Variants in ULK4 observed in about 807,000 individuals in gnomAD.
ULK4 encodes inactive serine/threonine-protein kinase ULK4.
A neutral mutation model predicts 160.6 loss-of-function variants in ULK4; 133 were observed. That is an observed-to-expected ratio of 0.83 (90% CI 0.72 to 0.96). ULK4 has a LOEUF of 0.96. Ranked by LOEUF, ULK4 falls within the 40% of genes least tolerant of loss-of-function variation. The pLI, the probability that ULK4 is intolerant of heterozygous loss-of-function variation, is 0.00. For synonymous variants in ULK4, 534 were observed against 539.8 expected (o/e 0.99, Z 0.15); for missense variants, 1,580 against 1,499.5 (o/e 1.05, Z -0.89).
At chr3:41,588,082 T>A (rs903129963) in intron 31 of ULK4, among the ~76,000 whole-genome samples, 9 of 152,180 alleles carry the variant, frequency 5.9e-5, no homozygotes, top group African/African-American at 2.2e-4. Flanking sequence ...TTTAAGGACA[T>A]CTGAGCAGAC....
intron 30 of ULK4, among the ~76,000 whole-genome samples, chr3:41,643,426 C>G (rs975148965): frequency 2.6e-5 from 4 of 152,180 alleles, no homozygotes; most frequent in Non-Finnish European, 5.9e-5. Context: ...CCAGTTTTCC[C>G]AGCACCATTT....
chr3:41,680,177 T>G (rs904288944), intron 29 of ULK4, among the ~76,000 whole-genome samples: 2 of 151,332 alleles, frequency 1.3e-5, no homozygotes, highest in African/African-American at 4.9e-5. Context: ...TGAATTCACA[T>G]AAGTATAGAT....
chr3:41,576,437 G>C (rs554161811), intron 31 of ULK4, among the ~76,000 whole-genome samples: 32 of 152,282 alleles, frequency 2.1e-4, no homozygotes, highest in Non-Finnish European at 4.4e-4. Context: ...AGTGTCCCCT[G>C]TGCCTATGTG....
At chr3:41,601,865 G>A (rs1257640556) in intron 31 of ULK4, among the ~76,000 whole-genome samples, 2 of 152,006 alleles carry the variant, frequency 1.3e-5, no homozygotes, top group Non-Finnish European at 2.9e-5. Context: ...GTTCTGGATG[G>A]GTCTTGGAAT....
chr3:41,620,341 G>C (rs1057024076), intron 30 of ULK4, among the ~76,000 whole-genome samples: 2 of 152,142 alleles, frequency 1.3e-5, no homozygotes, highest in African/African-American at 4.8e-5. Context: ...CAATATCCCT[G>C]ATGAACATCA....
chr3:41,274,997 A>G (rs1233965052), intron 35 of ULK4, among the ~76,000 whole-genome samples: 1 of 152,196 alleles, frequency 6.6e-6, no homozygotes, highest in Non-Finnish European at 1.5e-5. Context: ...TGTGCTCTAC[A>G]CTGCCCACTA....
chr3:41,271,540 G>A (rs1196166609), intron 35 of ULK4, among the ~76,000 whole-genome samples: 2 of 151,634 alleles, frequency 1.3e-5, no homozygotes, highest in Non-Finnish European at 2.9e-5. Flanking sequence ...GATTACAGGC[G>A]CCTGCCACCA....
chr3:41,487,136 TA>T (rs1287142128), intron 32 of ULK4, among the ~76,000 whole-genome samples: 1 of 152,026 alleles, frequency 6.6e-6, no homozygotes, highest in Non-Finnish European at 1.5e-5. Flanking sequence ...AGCTATTTCT[TA>T]GGAATCAATT....
chr3:41,826,708 T>C (rs571187965), intron 18 of ULK4, among the ~76,000 whole-genome samples: 8 of 150,090 alleles, frequency 5.3e-5, no homozygotes, highest in African/African-American at 1.5e-4. Context: ...ACAATAATAA[T>C]AGGAGACTTT....
intron 21 of ULK4, among the ~76,000 whole-genome samples, chr3:41,787,699 T>C (rs1289609082): frequency 2.6e-5 from 4 of 152,186 alleles, no homozygotes; most frequent in South Asian, 2.1e-4. Context: ...CACTTCAAAA[T>C]GGTTAAAATT....
In ULK4 at chr3:41,703,902, G is replaced by A. The variant is rs546441573; in HGVS notation, c.2781+1155C>T. On this transcript the variant is annotated intron_variant, in intron 27 of 36. Coordinates refer to ENST00000301831, the MANE Select transcript of ULK4 (RefSeq NM_017886.4). Reference sequence around the variant, plus strand: ...AGTTAACTGTGTTTGAAGGGTGGGGGCAGAGGGTAGAGAAATATGTGAGGA... The same window carrying A: ...AGTTAACTGTGTTTGAAGGGTGGGGACAGAGGGTAGAGAAATATGTGAGGA... 2.6e-5 allele frequency among the ~76,000 whole-genome samples: 4 copies of A among 151,724 alleles called. No homozygotes were observed. In the South Asian group the frequency reaches 6.3e-4, roughly 24 times the overall value.
At chr3:41,463,914 C>A (rs1185902538) in intron 32 of ULK4, among the ~76,000 whole-genome samples, 10 of 147,644 alleles carry the variant, frequency 6.8e-5, no homozygotes, top group African/African-American at 2.5e-4. Flanking sequence ...AATTGAAATA[C>A]AACAAAAGTG....
At chr3:41,755,959 A>G (rs2038785647) in intron 21 of ULK4, among the ~76,000 whole-genome samples, 1 of 152,240 alleles carries the variant, frequency 6.6e-6, no homozygotes, top group Non-Finnish European at 1.5e-5. Flanking sequence ...CAGAAAACAC[A>G]GATACACGCA....
At chr3:41,377,996 T>C in intron 35 of ULK4, among the ~76,000 whole-genome samples, 1 of 151,590 alleles carries the variant, frequency 6.6e-6, no homozygotes, top group Admixed American at 6.6e-5. Context: ...AATGATAGAC[T>C]GGATTAAGAA....
chr3:41,254,079 A>C (rs2078787594), intron 35 of ULK4, among the ~76,000 whole-genome samples: 1 of 152,234 alleles, frequency 6.6e-6, no homozygotes, highest in Non-Finnish European at 1.5e-5. Context: ...CATGATAAGA[A>C]ACAGGATAAG....
chr3:41,348,916 G>T (rs995591515), intron 35 of ULK4, among the ~76,000 whole-genome samples: 1 of 152,168 alleles, frequency 6.6e-6, no homozygotes, highest in Non-Finnish European at 1.5e-5. Flanking sequence ...CCAGAGAAGT[G>T]AATGTCTTCT....
chr3:41,583,232 G>A (rs903332723), intron 31 of ULK4, among the ~76,000 whole-genome samples: 4 of 152,156 alleles, frequency 2.6e-5, no homozygotes, highest in African/African-American at 7.2e-5. Context: ...GAAATAGTAA[G>A]AAAATTAAAT....
intron 31 of ULK4, among the ~76,000 whole-genome samples, chr3:41,599,565 CTTTTTTTTT>C (rs200055034): frequency 3.1e-5 from 4 of 130,764 alleles, no homozygotes; most frequent in African/African-American, 1.2e-4. Flanking sequence ...TTTTCTTTTT[CTTTTTTTTT>C]TTTTTTTTGA....
chr3:41,274,438 T>G (rs1311353668), intron 35 of ULK4, among the ~76,000 whole-genome samples: 5 of 152,222 alleles, frequency 3.3e-5, no homozygotes, highest in African/African-American at 1.2e-4. Context: ...GAGATGTTTG[T>G]GCTCTGCGCT....
Sources: allele counts gnomAD v4.1 joint callset (sites outside exome capture counted in the v4.1 genomes callset), GRCh38; gene constraint gnomAD v4.1.1; transcripts MANE v1.5; gene names NCBI Gene and HGNC (gene_info 2026-07-23, HGNC 2026-07-21).